SNW1: variants seen among roughly 807,000 people sequenced by gnomAD.
SNW1 encodes SNW domain containing 1.
In SNW1, 9 loss-of-function variants were observed where a neutral mutation model predicts 75.6. The ratio of observed to expected loss-of-function variants is 0.12; its 90% CI spans 0.07 to 0.21. SNW1 has a LOEUF of 0.21. Among genes scored for constraint, SNW1 ranks in the 10% least tolerant of loss-of-function variants. The pLI is 1.00. For synonymous variants in SNW1, 200 were observed against 219.1 expected, an observed-to-expected ratio of 0.91 and a Z score of 0.77; for missense variants, 409 against 670.9, an observed-to-expected ratio of 0.61 and a Z score of 4.31.
At chr14:77,747,740 T>G (rs4903636) in intron 3 of SNW1, among the ~76,000 whole-genome samples, 1 of 147,810 alleles carries the variant, frequency 6.8e-6, no homozygotes, top group Non-Finnish European at 1.5e-5. Context: ...CCGCCCCGTC[T>G]GGGAGGGAGG....
At chr14:77,760,420 G>A (rs1222976625) in intron 1 of SNW1, among the ~76,000 whole-genome samples, 1 of 152,200 alleles carries the variant, frequency 6.6e-6, no homozygotes, top group Non-Finnish European at 1.5e-5. Flanking sequence ...ACTAGTAGGA[G>A]TAGCGTAACT....
Position 77,738,767 on chromosome 14 carries a change from A to C in SNW1, c.533+11T>G, listed in dbSNP as rs1273723639. 1 of 1,602,532 alleles carries C rather than the reference A, an allele frequency of 6.2e-7. No individual in the cohort carries two copies. The highest frequency in any genetic ancestry group is 8.6e-7 in the Non-Finnish European group (1 of 1,169,586). Reference sequence around the variant, plus strand: ...CAGAATGAAACTAAGTCTTCTAGGCATGATTCATACCGGATATACTGAGCA... The same window carrying C: ...CAGAATGAAACTAAGTCTTCTAGGCCTGATTCATACCGGATATACTGAGCA... On this transcript the variant is annotated intron_variant, in intron 5 of 13. Coordinates refer to ENST00000261531, the MANE Select transcript of SNW1 (RefSeq NM_012245.3).
intron 3 of SNW1, among the ~76,000 whole-genome samples, chr14:77,742,642 T>A (rs1455155264): frequency 6.6e-6 from 1 of 152,058 alleles, no homozygotes; most frequent in African/African-American, 2.4e-5. Context: ...CAAGATAACA[T>A]ATAATTTATC....
At chr14:77,751,774 A>T (rs1452078471) in intron 2 of SNW1, among the ~76,000 whole-genome samples, 1 of 151,410 alleles carries the variant, frequency 6.6e-6, no homozygotes, top group African/African-American at 2.4e-5. Flanking sequence ...TGTGAGCTAA[A>T]GCCTGAATGA....
Position 77,737,088 on chromosome 14 carries a change from G to C in SNW1, c.534-13C>G. The stretch of plus-strand genomic sequence containing the variant: ...AGATGGTGTGTATCTGAAGAAAGCA[G>C]ATAAAAACTAAAGGTGTAATTAGTT... On this transcript the variant is annotated splice_polypyrimidine_tract_variant and intron_variant, in intron 5 of 13. Coordinates refer to ENST00000261531, the MANE Select transcript of SNW1 (RefSeq NM_012245.3). 6.3e-7 allele frequency: 1 copy of C among 1,588,484 alleles called. No individual in the cohort carries two copies. The highest frequency in any genetic ancestry group is 1.1e-5 in the South Asian group (1 of 90,474).
intron 3 of SNW1, among the ~76,000 whole-genome samples, chr14:77,749,862 A>G (rs2080793895): frequency 6.6e-6 from 1 of 152,200 alleles, no homozygotes; most frequent in African/African-American, 2.4e-5. Flanking sequence ...GGTAAGGTTC[A>G]TAGAGGAAGA....
Position 77,742,028 on chromosome 14 carries a change from ACCC to A in SNW1, c.331-2970_331-2968del, listed in dbSNP as rs555219526. On this transcript the variant is annotated intron_variant, in intron 3 of 13. Transcript: ENST00000261531. ...TTCCTCCATAGTAATTAATTATAAA[ACCC>A]CCCATTTTTTTTTTTTTGAGACGAA... Among the ~76,000 whole-genome samples, 6 of 148,346 alleles carry A rather than the reference ACCC, an allele frequency of 4.0e-5. No individual in the cohort carries two copies. The South Asian group carries it at 8.6e-4, about 21-fold the overall frequency.
At chr14:77,760,904 G>T in intron 1 of SNW1, 1 of 1,089,736 alleles carries the variant, frequency 9.2e-7, no homozygotes, top group South Asian at 1.3e-5. Context: ...CTCGGTGAGC[G>T]GGTGAACTAA....
intron 3 of SNW1, among the ~76,000 whole-genome samples, chr14:77,745,791 A>G (rs926197233): frequency 2.0e-5 from 3 of 152,208 alleles, no homozygotes; most frequent in Admixed American, 6.5e-5. Context: ...TGGGAGGCCA[A>G]AGCAGGCAGA....
intron 1 of SNW1, among the ~76,000 whole-genome samples, chr14:77,756,190 G>A (rs1022510169): frequency 3.3e-5 from 5 of 151,534 alleles, no homozygotes; most frequent in South Asian, 2.1e-4. Context: ...GTGCAACCTC[G>A]GCTCACTGAA....
intron 8 of SNW1, chr14:77,734,060 TTC>T (rs1406920273): frequency 4.4e-6 from 1 of 229,838 alleles, no homozygotes; most frequent in Non-Finnish European, 9.3e-6. Flanking sequence ...AGTATATAAA[TTC>T]TCTTAAGAAA....
chr14:77,723,401 G>C, intron 10 of SNW1, 124 bp from the exon 11 acceptor site: 1 of 709,128 alleles, frequency 1.4e-6, no homozygotes, highest in Non-Finnish European at 2.5e-6. Flanking sequence ...CCAGGCTGGA[G>C]TGTAGTAGCA....
intron 9 of SNW1, among the ~76,000 whole-genome samples, chr14:77,731,486 C>G (rs918257742): frequency 6.6e-6 from 1 of 152,216 alleles, no homozygotes; most frequent in Non-Finnish European, 1.5e-5. Flanking sequence ...GGTGGAAGGA[C>G]TGCTTGAGCT....
At chr14:77,735,261 T>A (rs951869537) in intron 7 of SNW1, among the ~76,000 whole-genome samples, 1 of 152,204 alleles carries the variant, frequency 6.6e-6, no homozygotes, top group Non-Finnish European at 1.5e-5. Flanking sequence ...GGCTAGTATT[T>A]TTCCATATTT....
chr14:77,730,448 A>C (rs1428358060), intron 10 of SNW1, among the ~76,000 whole-genome samples: 1 of 152,218 alleles, frequency 6.6e-6, no homozygotes, highest in African/African-American at 2.4e-5. Context: ...GTAAGAATTT[A>C]GTAATGAAAA....
chr14:77,755,181 T>G, intron 1 of SNW1, 61 bp from the exon 2 acceptor site: 2 of 1,453,274 alleles, frequency 1.4e-6, no homozygotes, highest in East Asian at 2.4e-5. Flanking sequence ...ATTTGACCAC[T>G]GCAACTTGGC....
At chr14:77,746,752 T>TA (rs1206367222) in intron 3 of SNW1, among the ~76,000 whole-genome samples, 132 of 150,434 alleles carry the variant, frequency 8.8e-4, no homozygotes, top group African/African-American at 2.9e-3. Context: ...ATGTGTTAAG[T>TA]AAAATAAAAA....
chr14:77,733,327 C>T (rs1164602784), intron 8 of SNW1, among the ~76,000 whole-genome samples: 2 of 152,114 alleles, frequency 1.3e-5, no homozygotes, highest in East Asian at 3.9e-4. Context: ...AACAGTTGCT[C>T]CTCAAGTAAA....
At chr14:77,738,929 A>T in intron 4 of SNW1, 37 bp downstream of exon 4, 1 of 1,608,538 alleles carries the variant, frequency 6.2e-7, no homozygotes, top group Non-Finnish European at 8.5e-7. Context: ...GTTAATCAGG[A>T]TGTAAATAGT....
Sources: gnomAD v4.1 joint callset for allele counts (sites outside exome capture counted in the v4.1 genomes callset) on GRCh38, gnomAD v4.1.1 for gene constraint, MANE v1.5 for transcripts, NCBI Gene and HGNC (gene_info 2026-07-23, HGNC 2026-07-21) for gene names.